INPP4B: variants seen among roughly 807,000 people sequenced by gnomAD.
INPP4B encodes the protein inositol polyphosphate 4-phosphatase type II.
In INPP4B, 55 loss-of-function variants were observed where a neutral mutation model predicts 122.5. The ratio of observed to expected loss-of-function variants is 0.45; its 90% CI spans 0.36 to 0.56. The LOEUF (loss-of-function observed/expected upper bound fraction) is 0.56. Ranked by LOEUF, INPP4B falls within the 20% of genes least tolerant of loss-of-function variation. The pLI is 0.00. For synonymous variants in INPP4B, 403 were observed against 388.7 expected, an observed-to-expected ratio of 1.04 and a Z score of -0.43; for missense variants, 1,000 against 1,097.7, an observed-to-expected ratio of 0.91 and a Z score of 1.26.
At chr4:142,772,253 T>A (rs1773191870) in intron 1 of INPP4B, among the ~76,000 whole-genome samples, 1 of 152,140 alleles carries the variant, frequency 6.6e-6, no homozygotes, top group East Asian at 1.9e-4. Context: ...AAGAAGGTAC[T>A]AATCCTGTGC....
intron 12 of INPP4B, among the ~76,000 whole-genome samples, chr4:142,233,165 A>G (rs1415182778): frequency 6.6e-6 from 1 of 151,862 alleles, no homozygotes; most frequent in Non-Finnish European, 1.5e-5. Context: ...TGAGTGCACA[A>G]TATCTCTCAG....
At chr4:142,260,627 AT>A in intron 10 of INPP4B, 63 bp from the exon 11 acceptor site, 1 of 1,126,340 alleles carries the variant, frequency 8.9e-7, no homozygotes, top group Non-Finnish European at 1.3e-6. Flanking sequence ...GAATGATATT[AT>A]TTTATTTGCA....
intron 2 of INPP4B, among the ~76,000 whole-genome samples, chr4:142,572,250 T>TC (rs1732993673): frequency 6.6e-6 from 1 of 152,134 alleles, no homozygotes; most frequent in Non-Finnish European, 1.5e-5. Flanking sequence ...TGATTTTACC[T>TC]CAAGTTTCCT....
At chr4:142,034,404 G>C (rs901928125) in intron 25 of INPP4B, among the ~76,000 whole-genome samples, 6 of 152,136 alleles carry the variant, frequency 3.9e-5, no homozygotes, top group Non-Finnish European at 8.8e-5. Context: ...TGGCATAGCA[G>C]AGAGGCTGGG....
At chr4:142,696,398 C>A (rs759418098) in intron 2 of INPP4B, among the ~76,000 whole-genome samples, 6 of 152,114 alleles carry the variant, frequency 3.9e-5, no homozygotes, top group Non-Finnish European at 8.8e-5. Flanking sequence ...GATACCACCC[C>A]CAAAGAGTAA....
intron 24 of INPP4B, among the ~76,000 whole-genome samples, chr4:142,085,384 G>T (rs1226854103): frequency 6.6e-6 from 1 of 152,144 alleles, no homozygotes; most frequent in African/African-American, 2.4e-5. Flanking sequence ...TGCAAACATG[G>T]CATTTATCAT....
chr4:142,319,613 T>A (rs1229977057), intron 7 of INPP4B, among the ~76,000 whole-genome samples: 1 of 152,130 alleles, frequency 6.6e-6, no homozygotes, highest in Non-Finnish European at 1.5e-5. Flanking sequence ...ACCAATGAAA[T>A]GTACATGCAA....
intron 1 of INPP4B, among the ~76,000 whole-genome samples, chr4:142,736,099 C>A (rs1285897184): frequency 6.6e-6 from 1 of 152,120 alleles, no homozygotes; most frequent in Non-Finnish European, 1.5e-5. Flanking sequence ...CCATAAACTG[C>A]AGCATCACCA....
At chr4:142,431,067 A>G in intron 4 of INPP4B, 102 bp downstream of exon 4, 1 of 806,418 alleles carries the variant, frequency 1.2e-6, no homozygotes, top group South Asian at 1.6e-5. Flanking sequence ...ATTAGAACCG[A>G]AGTTCCTATG....
chr4:142,555,870 C>CAAAAA (rs554216004), intron 2 of INPP4B, among the ~76,000 whole-genome samples: 10 of 125,614 alleles, frequency 8.0e-5, no homozygotes, highest in African/African-American at 2.7e-4. Context: ...GACTCTGTCT[C>CAAAAA]AAAAAAAAAA....
chr4:142,280,328 G>A (rs1399357933), intron 9 of INPP4B, among the ~76,000 whole-genome samples: 2 of 151,868 alleles, frequency 1.3e-5, no homozygotes, highest in African/African-American at 4.8e-5. Context: ...AACAAACTTT[G>A]TTGTATCCAC....
chr4:142,806,783 G>A (rs557544302), intron 1 of INPP4B, among the ~76,000 whole-genome samples: 2 of 65,976 alleles, frequency 3.0e-5, no homozygotes, highest in East Asian at 6.4e-4. Context: ...AAGAAAGAAA[G>A]AAGGAAAGAA....
chr4:142,556,104 T>C (rs562699238), intron 2 of INPP4B, among the ~76,000 whole-genome samples: 5 of 152,240 alleles, frequency 3.3e-5, no homozygotes, highest in Middle Eastern at 6.8e-3. Flanking sequence ...CTTCATTGTG[T>C]TACAAACTAA....
chr4:142,812,317 A>C (rs1779611956), intron 1 of INPP4B, among the ~76,000 whole-genome samples: 1 of 151,346 alleles, frequency 6.6e-6, no homozygotes, highest in Non-Finnish European at 1.5e-5. Context: ...CAGAAGCCAC[A>C]CTCCTCTCAT....
intron 23 of INPP4B, among the ~76,000 whole-genome samples, chr4:142,101,027 C>A (rs1458979711): frequency 1.3e-5 from 2 of 152,038 alleles, no homozygotes; most frequent in Non-Finnish European, 2.9e-5. Context: ...TAATCAGAAG[C>A]AATCTGATTG....
chr4:142,318,048 A>G (rs752441447), intron 7 of INPP4B, among the ~76,000 whole-genome samples: 8 of 152,158 alleles, frequency 5.3e-5, no homozygotes, highest in Non-Finnish European at 1.2e-4. Flanking sequence ...AATCTTCCCG[A>G]GTCACCTTGG....
rs541659763 is a variant in INPP4B at position 142,608,004 on chromosome 4, G to A, written c.-191+117835C>T. 5.3e-5 allele frequency among the ~76,000 whole-genome samples: 8 copies of A among 152,216 alleles called. No homozygotes were observed. In the East Asian group the frequency reaches 7.7e-4, roughly 15 times the overall value. Reference sequence around the variant, plus strand: ...TGCATCCAACCTTGTTCTATGCTTCGCAGGCACTCTGCCACCCCAAAGATT... The same window carrying A: ...TGCATCCAACCTTGTTCTATGCTTCACAGGCACTCTGCCACCCCAAAGATT... On this transcript the variant is annotated intron_variant, in intron 2 of 25. Transcript: ENST00000262992.
intron 2 of INPP4B, among the ~76,000 whole-genome samples, chr4:142,512,957 A>T (rs1480259824): frequency 6.6e-6 from 1 of 152,242 alleles, no homozygotes; most frequent in Non-Finnish European, 1.5e-5. Flanking sequence ...TATGTACACA[A>T]AATCATGCTG....
intron 1 of INPP4B, among the ~76,000 whole-genome samples, chr4:142,764,240 A>G (rs1771758739): frequency 6.6e-6 from 1 of 152,168 alleles, no homozygotes; most frequent in African/African-American, 2.4e-5. Flanking sequence ...ACTCACAAGC[A>G]AACTAAAAAC....
Sources: allele counts gnomAD v4.1 joint callset (sites outside exome capture counted in the v4.1 genomes callset), GRCh38; gene constraint gnomAD v4.1.1; transcripts MANE v1.5; gene names NCBI Gene and HGNC (gene_info 2026-07-23, HGNC 2026-07-21).